KCNH8: variants seen among roughly 807,000 people sequenced by gnomAD.
KCNH8 encodes the protein voltage-gated delayed rectifier potassium channel KCNH8.
In KCNH8, 70 loss-of-function variants were observed where a neutral mutation model predicts 103.6. That is an observed-to-expected ratio of 0.68 (90% CI 0.56 to 0.82). KCNH8 has a LOEUF of 0.82. KCNH8 is among the 40% of genes least tolerant of loss of function. KCNH8 has a pLI of 0.00. For synonymous variants in KCNH8, 498 were observed against 489.4 expected (o/e 1.02, Z -0.23); for missense variants, 1,217 against 1,329.9 (o/e 0.92, Z 1.32).
intron 11 of KCNH8, among the ~76,000 whole-genome samples, chr3:19,469,326 T>C (rs1257440336): frequency 6.6e-6 from 1 of 152,238 alleles, no homozygotes; most frequent in Non-Finnish European, 1.5e-5. Context: ...TGCAGTGAAC[T>C]GTTTTACACT....
intron 3 of KCNH8, among the ~76,000 whole-genome samples, chr3:19,341,013 C>G (rs1341398882): frequency 6.6e-6 from 1 of 152,144 alleles, no homozygotes; most frequent in Admixed American, 6.6e-5. Flanking sequence ...TCCAAGTTCC[C>G]TGTTCGGCCC....
intron 3 of KCNH8, among the ~76,000 whole-genome samples, chr3:19,322,325 C>T (rs745582839): frequency 2.0e-5 from 3 of 151,754 alleles, no homozygotes; most frequent in Non-Finnish European, 2.9e-5. Flanking sequence ...TGGTGTATTT[C>T]GAGGATTTGT....
At chr3:19,463,551 TA>T (rs999827850) in intron 11 of KCNH8, among the ~76,000 whole-genome samples, 2 of 151,476 alleles carry the variant, frequency 1.3e-5, no homozygotes, top group African/African-American at 4.9e-5. Flanking sequence ...AAAATGAAAA[TA>T]AAAAACAAAG....
Position 19,201,231 on chromosome 3 carries a change from C to CAAAAAAAAAAAAA in KCNH8, c.77-52404_77-52392dup. Among the ~76,000 whole-genome samples, 73 of 22,064 alleles carry CAAAAAAAAAAAAA rather than the reference C, an allele frequency of 3.3e-3. 11 individuals are homozygous for CAAAAAAAAAAAAA. Among genetic ancestry groups the CAAAAAAAAAAAAA allele is most frequent in the African/African-American group, 0.011 (61 of 5,610 alleles). 14.5% of individuals were successfully genotyped at this position (22,064 alleles called of 152,430 possible). ...TGGGTGAAGTAGCAAGACTCTGCCT[C>CAAAAAAAAAAAAA]AAAAAAAAAAAAAAAAAAAAAAAAA... On this transcript the variant is annotated intron_variant, in intron 1 of 15. Transcript: ENST00000328405.
intron 1 of KCNH8, among the ~76,000 whole-genome samples, chr3:19,206,093 T>C (rs2063711369): frequency 6.6e-6 from 1 of 150,734 alleles, no homozygotes; most frequent in Admixed American, 6.6e-5. Flanking sequence ...TTACTTCACT[T>C]AGAGTAACAG....
At chr3:19,381,378 C>T (rs941304635) in intron 5 of KCNH8, among the ~76,000 whole-genome samples, 2 of 152,006 alleles carry the variant, frequency 1.3e-5, no homozygotes, top group African/African-American at 4.8e-5. Flanking sequence ...ACAAAATATA[C>T]AAAATCAATT....
intron 5 of KCNH8, among the ~76,000 whole-genome samples, chr3:19,375,633 G>C (rs1343114546): frequency 2.6e-5 from 4 of 152,136 alleles, no homozygotes; most frequent in African/African-American, 2.4e-5. Flanking sequence ...ATCCAGCTTT[G>C]TTCCGTTGCT....
At chr3:19,408,057 A>G (rs1446351573) in intron 7 of KCNH8, among the ~76,000 whole-genome samples, 1 of 152,062 alleles carries the variant, frequency 6.6e-6, no homozygotes, top group Non-Finnish European at 1.5e-5. Flanking sequence ...TGTGCATTCC[A>G]TGAGTCAGTG....
chr3:19,478,560 A>G (rs2068022994), intron 11 of KCNH8, among the ~76,000 whole-genome samples: 1 of 152,162 alleles, frequency 6.6e-6, no homozygotes, highest in South Asian at 2.1e-4. Context: ...AACAAAAATT[A>G]GAATTACATT....
In KCNH8 at chr3:19,518,065, C is replaced by G; in HGVS notation, c.2610C>G (p.Leu870=). 6.2e-7 allele frequency: 1 copy of G among 1,611,486 alleles called. No homozygotes were observed. The highest frequency in any genetic ancestry group is 8.5e-7 in the Non-Finnish European group (1 of 1,178,184). The change falls in exon 15 of 16, where the codon CTC becomes CTG. Residue 870 remains leucine, a synonymous_variant. Coordinates refer to ENST00000328405, the MANE Select transcript of KCNH8 (RefSeq NM_144633.3). Reference sequence around the variant, plus strand: ...AGACCAAGCAGCAGATAAACAAACTCAACAGTGAGGTATGGAGCTCTTTCT... The same window carrying G: ...AGACCAAGCAGCAGATAAACAAACTGAACAGTGAGGTATGGAGCTCTTTCT... ...AEETKQQINK[L]NSEVTTLTQE...
chr3:19,401,978 T>C (rs1229196812), intron 7 of KCNH8, among the ~76,000 whole-genome samples: 1 of 152,000 alleles, frequency 6.6e-6, no homozygotes, highest in East Asian at 1.9e-4. Context: ...TACAATATAC[T>C]CAGTATCTTT....
chr3:19,501,792 A>C (rs1391286718), intron 11 of KCNH8, among the ~76,000 whole-genome samples: 3 of 152,164 alleles, frequency 2.0e-5, no homozygotes, highest in Non-Finnish European at 4.4e-5. Flanking sequence ...AATAAGAGCT[A>C]TCTATGACAA....
intron 1 of KCNH8, among the ~76,000 whole-genome samples, chr3:19,149,757 C>T: frequency 6.6e-6 from 1 of 152,216 alleles, no homozygotes; most frequent in Non-Finnish European, 1.5e-5. Flanking sequence ...TATCTTGCTT[C>T]TGTGCACTGT....
rs760548542 is a variant in KCNH8 at position 19,438,310 on chromosome 3, G to C, written c.1324G>C (p.Ala442Pro). Residue 442 changes from alanine (A) to proline (P), a missense_variant, in exon 8 of 16, where the codon GCT becomes CCT. Ala to Pro is a conservative substitution (Grantham distance 27, BLOSUM62 -1). Around this residue, in one of 3 missense-constraint regions of KCNH8, gnomAD observed 415 missense variants for 577.4 expected, o/e 0.72. Transcript: ENST00000328405. Reference protein sequence around the residue: ...LTSVGFGNVSANTDAEKIFSI... With the variant: ...LTSVGFGNVSPNTDAEKIFSI... Reference sequence around the variant, plus strand: ...CAGCGTGGGTTTTGGGAACGTCTCTGCTAATACAGATGCAGAAAAGATCTT... The same window carrying C: ...CAGCGTGGGTTTTGGGAACGTCTCTCCTAATACAGATGCAGAAAAGATCTT... 2.1e-5 allele frequency: 34 copies of C among 1,613,944 alleles called. No individual in the cohort carries two copies. Among genetic ancestry groups the C allele is most frequent in the Non-Finnish European group, 2.5e-5 (29 of 1,180,018 alleles).
At chr3:19,527,611 C>A (rs932209289) in intron 15 of KCNH8, among the ~76,000 whole-genome samples, 5 of 152,062 alleles carry the variant, frequency 3.3e-5, no homozygotes, top group Non-Finnish European at 5.9e-5. Flanking sequence ...GCAACAATAA[C>A]TATTTCTAAA....
intron 5 of KCNH8, among the ~76,000 whole-genome samples, chr3:19,360,867 T>A (rs1414043520): frequency 1.3e-5 from 2 of 152,014 alleles, no homozygotes; most frequent in African/African-American, 4.8e-5. Flanking sequence ...AATAATTCCA[T>A]TGAGGAAGTA....
intron 11 of KCNH8, among the ~76,000 whole-genome samples, chr3:19,496,972 G>C (rs1295240759): frequency 1.3e-5 from 2 of 151,876 alleles, no homozygotes; most frequent in East Asian, 3.9e-4. Flanking sequence ...TTTCTAGTTT[G>C]TGTGCATAGA....
intron 1 of KCNH8, among the ~76,000 whole-genome samples, chr3:19,222,093 C>G (rs1004557305): frequency 3.9e-5 from 6 of 152,162 alleles, no homozygotes; most frequent in African/African-American, 9.6e-5. Flanking sequence ...CCGTGATCCT[C>G]CCGCCTCGGC....
At chr3:19,210,521 T>C (rs752547946) in intron 1 of KCNH8, among the ~76,000 whole-genome samples, 1 of 152,088 alleles carries the variant, frequency 6.6e-6, no homozygotes, top group African/African-American at 2.4e-5. Flanking sequence ...CATTTTCATA[T>C]TTTATCTTCT....
Sources: allele counts gnomAD v4.1 joint callset (sites outside exome capture counted in the v4.1 genomes callset), GRCh38; gene constraint gnomAD v4.1.1; regional missense constraint gnomAD v4.1.1; transcripts MANE v1.5; gene names NCBI Gene and HGNC (gene_info 2026-07-23, HGNC 2026-07-21).